Variants in CBX5 observed in about 807,000 individuals in gnomAD.
CBX5 encodes chromobox 5, also known as chromobox protein homolog 5.
In CBX5, 7 loss-of-function variants were observed where a neutral mutation model predicts 20.7. That is an observed-to-expected ratio of 0.34 (90% CI 0.19 to 0.63). CBX5 has a LOEUF of 0.63. Ranked by LOEUF, CBX5 falls within the 30% of genes least tolerant of loss-of-function variation. The pLI, the probability that CBX5 is intolerant of heterozygous loss-of-function variation, is 0.75. For missense variants in CBX5, 110 were observed against 224.1 expected (o/e 0.49, Z 3.25); for synonymous variants, 78 against 77.0 (o/e 1.01, Z -0.07).
chr12:54,265,533 A>G (rs1943948906), intron 1 of CBX5, among the ~76,000 whole-genome samples: 2 of 152,262 alleles, frequency 1.3e-5, no homozygotes, highest in African/African-American at 2.4e-5. Context: ...AAAGCCCATG[A>G]GCACACAATT....
chr12:54,263,072 G>C (rs1943925990), intron 1 of CBX5: 1 of 152,530 alleles, frequency 6.6e-6, no homozygotes, highest in Non-Finnish European at 1.5e-5. Context: ...ATTGAGATGA[G>C]AAAAGAGGCT....
intron 4 of CBX5, among the ~76,000 whole-genome samples, chr12:54,244,818 C>A (rs1943717799): frequency 6.6e-6 from 1 of 152,074 alleles, no homozygotes; most frequent in Non-Finnish European, 1.5e-5. Context: ...TGTGCTTTGG[C>A]CAGTATTAGC....
At chr12:54,246,673 C>T (rs1419467236) in intron 3 of CBX5, among the ~76,000 whole-genome samples, 2 of 149,644 alleles carry the variant, frequency 1.3e-5, no homozygotes, top group Non-Finnish European at 1.5e-5. Flanking sequence ...CCCAGCTACT[C>T]GGGAGGCTGA....
chr12:54,256,330 G>A (rs1447471294), intron 2 of CBX5, among the ~76,000 whole-genome samples: 1 of 152,108 alleles, frequency 6.6e-6, no homozygotes, highest in Admixed American at 6.6e-5. Flanking sequence ...TCTGATTGTT[G>A]TGCTACCCAT....
Position 54,246,184 on chromosome 12 carries a change from C to T in CBX5, c.356G>A (p.Arg119Lys). 6.2e-7 allele frequency: 1 copy of T among 1,613,668 alleles called. No individual in the cohort carries two copies. Among genetic ancestry groups the T allele is most frequent in the Non-Finnish European group, 8.5e-7 (1 of 1,179,636 alleles). Residue 119 changes from arginine (R) to lysine (K), a missense_variant, in exon 4 of 5, where the codon AGA (arginine) becomes AAA (lysine). Arg to Lys is a conservative substitution (Grantham distance 26). Coordinates refer to ENST00000209875, the MANE Select transcript of CBX5 (RefSeq NM_012117.3). ...AATGATCTTTTCTGGTTCCAGTCCT[C>T]TCTCAAAGCCCCGAGCGATATCATT... The part of the protein sequence containing the change: ...QSNDIARGFE[R>K]GLEPEKIIGA...
rs1248266100 is a variant in CBX5, at chr12:54,240,764, T to C, written c.*991A>G. The stretch of plus-strand genomic sequence containing the variant: ...GTCCACTGAGAAGTGAGGGTCAGGT[T>C]TGAAGCCTCTTTGGTAACAGGAATG... On this transcript the variant is annotated 3_prime_UTR_variant, in exon 5 of 5. Transcript: ENST00000209875. 6.6e-6 allele frequency: 1 copy of C among 151,826 alleles called. No individual in the cohort carries two copies. The highest frequency in any genetic ancestry group is 1.5e-5 in the Non-Finnish European group (1 of 67,924). 9.4% of individuals were successfully genotyped at this position (151,826 alleles called of 1,614,324 possible).
Position 54,241,756 on chromosome 12 carries a change from T to C in CBX5, c.575A>G (p.Ter192=), listed in dbSNP as rs1383672407. ...AAATGACAGAGACCATCCCCTCCTT[T>C]AGCTCTTTGCTGTTTCTTTCTCTTT... ...ENKEKETAKS[*] The change falls in exon 5 of 5, where the codon TAA becomes TGA. Residue 192 remains the stop codon, a stop_retained_variant. Transcript: ENST00000209875. 2 of 1,611,176 alleles carry C rather than the reference T, an allele frequency of 1.2e-6. No homozygotes were observed. The highest frequency in any genetic ancestry group is 8.5e-7 in the Non-Finnish European group (1 of 1,179,384).
intron 1 of CBX5, among the ~76,000 whole-genome samples, chr12:54,278,308 A>C (rs1944090284): frequency 6.6e-6 from 1 of 152,228 alleles, no homozygotes; most frequent in African/African-American, 2.4e-5. Flanking sequence ...AAACCTAAAT[A>C]AATCCAGGAC....
chr12:54,246,610 T>C (rs1358217824), intron 3 of CBX5, among the ~76,000 whole-genome samples: 2 of 151,710 alleles, frequency 1.3e-5, no homozygotes, highest in Non-Finnish European at 2.9e-5. Context: ...TGAAACCCCA[T>C]CTCTACTAAA....
chr12:54,263,780 A>G (rs549788123), intron 1 of CBX5, among the ~76,000 whole-genome samples: 90 of 148,062 alleles, frequency 6.1e-4, no homozygotes, highest in South Asian at 1.5e-3. Flanking sequence ...AAAAAAAAAA[A>G]AAAGAAAAGA....
intron 1 of CBX5, among the ~76,000 whole-genome samples, chr12:54,264,487 T>A (rs1245395112): frequency 6.6e-6 from 1 of 152,228 alleles, no homozygotes; most frequent in African/African-American, 2.4e-5. Context: ...TTCATTTTCA[T>A]CACCACTTAT....
intron 1 of CBX5, chr12:54,273,909 T>C (rs1181042554): frequency 6.6e-6 from 1 of 152,196 alleles, no homozygotes; most frequent in East Asian, 1.9e-4. Context: ...AAAGTGGACA[T>C]ATATAAAACA....
At position 54,252,042 on chromosome 12, in the gene CBX5, T is replaced by G. The variant is rs1416427835; in HGVS notation, c.323A>C (p.Glu108Ala). ...ADDIKSKKKR[E>A]QSNDIARGFE... ...GGGGAAAAGGGAAAGGAAGCTTACC[T>G]CTCTCTTTTTTTTAGATTTGATGTC... The change falls in exon 3 of 5, where the codon GAG (glutamate) becomes GCG (alanine). Residue 108 changes from glutamate (E) to alanine (A), a missense_variant and splice_region_variant. Coordinates refer to ENST00000209875, the MANE Select transcript of CBX5 (RefSeq NM_012117.3). The G allele has an allele frequency of 5.7e-6, 9 of 1,569,380 alleles. No homozygotes were observed. Among genetic ancestry groups the G allele is most frequent in the Non-Finnish European group, 7.7e-6 (9 of 1,163,246 alleles).
chr12:54,272,135 G>A (rs1178390711), intron 1 of CBX5: 2 of 152,142 alleles, frequency 1.3e-5, no homozygotes, highest in Admixed American at 1.3e-4. Flanking sequence ...ATTTTATTCC[G>A]ACATAATTAT....
intron 1 of CBX5, chr12:54,273,083 CAA>C (rs1341689662): frequency 6.6e-6 from 1 of 152,204 alleles, no homozygotes; most frequent in Non-Finnish European, 1.5e-5. Context: ...GGCCCTCCCC[CAA>C]AGAGATTCTT....
chr12:54,250,839 A>G (rs1306788379), intron 3 of CBX5, among the ~76,000 whole-genome samples: 14 of 120,946 alleles, frequency 1.2e-4, no homozygotes, highest in Non-Finnish European at 2.4e-4. Context: ...AAAAAAAAAA[A>G]AAAAAGAAAG....
intron 1 of CBX5, among the ~76,000 whole-genome samples, chr12:54,265,793 A>T (rs1808050849): frequency 1.3e-5 from 2 of 152,230 alleles, no homozygotes; most frequent in Admixed American, 1.3e-4. Flanking sequence ...CTGTAATCCC[A>T]GCACTTTGGG....
At chr12:54,245,637 TA>T (rs1415105280) in intron 4 of CBX5, among the ~76,000 whole-genome samples, 1 of 151,792 alleles carries the variant, frequency 6.6e-6, no homozygotes, top group African/African-American at 2.4e-5. Flanking sequence ...ACTAAAAATA[TA>T]AAAGTAGCCA....
rs1450730307 is a variant in CBX5 at position 54,240,952 on chromosome 12, C to T, written c.*803G>A. The stretch of plus-strand genomic sequence containing the variant: ...ATATATGATAATAAAGACAATTGTA[C>T]CCTACCCCATCATCCTCATGTACTA... On this transcript the variant is annotated 3_prime_UTR_variant, in exon 5 of 5. Transcript: ENST00000209875. The T allele has an allele frequency of 6.6e-6, 1 of 152,124 alleles. No individual in the cohort carries two copies. Among genetic ancestry groups the T allele is most frequent in the Non-Finnish European group, 1.5e-5 (1 of 68,028 alleles). The allele number at this position is 152,124 out of a possible 1,614,324, so 9.4% of individuals were successfully genotyped here.
Sources: allele counts gnomAD v4.1 joint callset (sites outside exome capture counted in the v4.1 genomes callset), GRCh38; gene constraint gnomAD v4.1.1; transcripts MANE v1.5; gene names NCBI Gene and HGNC (gene_info 2026-07-23, HGNC 2026-07-21).